Variants in TRIQK observed in about 807,000 individuals in gnomAD.
The protein encoded by TRIQK is triple QxxK/R motif-containing protein.
A neutral mutation model predicts 10.8 loss-of-function variants in TRIQK; 10 were observed. The observed-to-expected ratio is 0.92, with a 90% CI of 0.57 to 1.57. TRIQK has a LOEUF of 1.57. TRIQK is among the 40% of genes most tolerant of loss of function. The pLI is 0.00. For missense variants in TRIQK, 107 were observed against 97.7 expected, an observed-to-expected ratio of 1.09 and a Z score of -0.40; for synonymous variants, 33 against 33.7, an observed-to-expected ratio of 0.98 and a Z score of 0.07.
intron 2 of TRIQK, among the ~76,000 whole-genome samples, chr8:92,920,161 T>C (rs1232673266): frequency 6.6e-6 from 1 of 151,768 alleles, no homozygotes. Flanking sequence ...TTTTATTGAA[T>C]TTAAATATTG....
chr8:92,970,689 T>TA (rs1812865538), upstream of TRIQK, among the ~76,000 whole-genome samples: 1 of 152,202 alleles, frequency 6.6e-6, no homozygotes, highest in African/African-American at 2.4e-5. Flanking sequence ...CTGTAGATTG[T>TA]AGATATTAGA....
At position 92,885,919 on chromosome 8, in the gene TRIQK, A is replaced by C. The variant is rs1196903603; in HGVS notation, c.*703T>G. ...AATTAGAATAGAATTCCAAGGTTAT[A>C]TTAATAGAGTAATAAGTTAATTAAA... On this transcript the variant is annotated 3_prime_UTR_variant, in exon 5 of 5. Transcript: ENST00000521988. The C allele has an allele frequency of 6.6e-6, 1 of 151,732 alleles. No individual in the cohort carries two copies. Among genetic ancestry groups the C allele is most frequent in the African/African-American group, 2.4e-5 (1 of 41,382 alleles). The allele number at this position is 151,732 out of a possible 1,614,324, so 9.4% of individuals were successfully genotyped here. A position where few individuals can be genotyped will look rare whatever the true frequency, so the allele number is the denominator to read the frequency against.
intron 3 of TRIQK, among the ~76,000 whole-genome samples, chr8:92,897,653 AC>A (rs1808682273): frequency 6.6e-6 from 1 of 152,158 alleles, no homozygotes; most frequent in African/African-American, 2.4e-5. Flanking sequence ...TTTATAAATT[AC>A]CCAGTCTCAG....
intron 2 of TRIQK, chr8:92,928,133 A>G (rs1316770919): frequency 1.3e-5 from 2 of 152,258 alleles, no homozygotes; most frequent in Non-Finnish European, 2.9e-5. Flanking sequence ...AAAACCAAAG[A>G]TAATACAGAA....
chr8:92,920,525 TA>T (rs1292246515), intron 2 of TRIQK, among the ~76,000 whole-genome samples: 5 of 145,138 alleles, frequency 3.4e-5, no homozygotes, highest in South Asian at 2.2e-4. Context: ...CTTATCAGCT[TA>T]AAAAAAAAGA....
At chr8:92,993,003 CCAAT>C (rs1471367702) in intron 1 of TRIQK, among the ~76,000 whole-genome samples, 2 of 152,148 alleles carry the variant, frequency 1.3e-5, no homozygotes, top group African/African-American at 4.8e-5. Flanking sequence ...TTCATACACT[CCAAT>C]CAAAGAGGTC....
chr8:92,898,852 TATA>T (rs1226125849), intron 3 of TRIQK, among the ~76,000 whole-genome samples: 2 of 137,018 alleles, frequency 1.5e-5, no homozygotes, highest in Non-Finnish European at 3.1e-5. Context: ...TATATATATA[TATA>T]TATATATATA....
In TRIQK at chr8:92,949,794, G is replaced by GAA. The variant is rs750582955; in HGVS notation, c.-22+4610_-22+4611dup. 7.7e-3 allele frequency among the ~76,000 whole-genome samples: 294 copies of GAA among 38,052 alleles called. 2 individuals carry two copies. Among genetic ancestry groups the GAA allele is most frequent in the South Asian group, 0.019 (21 of 1,126 alleles). 25.0% of individuals were successfully genotyped at this position (38,052 alleles called of 152,430 possible). A position where few individuals can be genotyped will look rare whatever the true frequency, so the allele number is the denominator to read the frequency against. On this transcript the variant is annotated intron_variant, in intron 2 of 4. Transcript: ENST00000521988. ...AAGGAAAGAAAGAAAAAGAAAGAAA[G>GAA]AAAGAAAGAAAGAAAGAAAGAAAGA...
intron 2 of TRIQK, among the ~76,000 whole-genome samples, chr8:92,938,149 C>T (rs1162444667): frequency 6.6e-6 from 1 of 151,928 alleles, no homozygotes; most frequent in Non-Finnish European, 1.5e-5. Flanking sequence ...TCTAGGGTCA[C>T]AACTATTCTT....
At chr8:92,912,428 T>A (rs1051256685) in intron 3 of TRIQK, among the ~76,000 whole-genome samples, 5 of 151,796 alleles carry the variant, frequency 3.3e-5, no homozygotes, top group African/African-American at 1.2e-4. Flanking sequence ...AAGGTAGTAC[T>A]GAGAAAAAAG....
At chr8:93,003,790 CA>C (rs1045148247) in intron 1 of TRIQK, among the ~76,000 whole-genome samples, 52 of 151,250 alleles carry the variant, frequency 3.4e-4, no homozygotes, top group African/African-American at 1.1e-3. Flanking sequence ...AGAAATTGGC[CA>C]AAAAAAAGGG....
At chr8:92,988,472 G>A (rs1813060991) in intron 1 of TRIQK, among the ~76,000 whole-genome samples, 2 of 152,164 alleles carry the variant, frequency 1.3e-5, no homozygotes, top group South Asian at 4.1e-4. Context: ...AAATGTGGTA[G>A]GGTACTATAT....
chr8:92,984,492 T>C (rs760649110), intron 1 of TRIQK, among the ~76,000 whole-genome samples: 6 of 152,090 alleles, frequency 3.9e-5, no homozygotes, highest in Non-Finnish European at 8.8e-5. Context: ...ATTATTTAGA[T>C]ATGAGAATAA....
At chr8:93,005,948 A>C (rs1183863530) in intron 1 of TRIQK, among the ~76,000 whole-genome samples, 1 of 152,088 alleles carries the variant, frequency 6.6e-6, no homozygotes, top group Admixed American at 6.5e-5. Context: ...TAATAAATGA[A>C]TTTAGTAAAT....
chr8:92,977,834 C>G (rs886378320), intron 1 of TRIQK, among the ~76,000 whole-genome samples: 6 of 151,936 alleles, frequency 3.9e-5, no homozygotes, highest in Non-Finnish European at 8.8e-5. Context: ...CAGTGTAATC[C>G]TTTTGAGATT....
intron 1 of TRIQK, among the ~76,000 whole-genome samples, chr8:93,011,690 A>G (rs928300021): frequency 6.6e-6 from 1 of 152,182 alleles, no homozygotes. Flanking sequence ...ATCATCAAAT[A>G]GCATTCACTA....
intron 3 of TRIQK, among the ~76,000 whole-genome samples, chr8:92,911,279 T>G (rs1328791708): frequency 2.0e-5 from 3 of 151,180 alleles, no homozygotes; most frequent in African/African-American, 7.3e-5. Flanking sequence ...AATATTAGAT[T>G]CAGAAGAGAT....
At chr8:92,911,832 T>C (rs1222612269) in intron 3 of TRIQK, among the ~76,000 whole-genome samples, 1 of 149,792 alleles carries the variant, frequency 6.7e-6, no homozygotes. Context: ...TATATGTATA[T>C]ATACATATCT....
chr8:92,886,479 G>T lies in TRIQK; in HGVS notation c.*143C>A. The T allele has an allele frequency of 1.8e-6, 1 of 562,036 alleles. No individual in the cohort carries two copies. The highest frequency in any genetic ancestry group is 3.0e-5 in the East Asian group (1 of 33,004). The allele number at this position is 562,036 out of a possible 1,614,324, so 34.8% of individuals were successfully genotyped here. ...TAAGGTTCTTTTCCTGACATCCTAT[G>T]CAACTATCAAAAATCATATGTCTGC... On this transcript the variant is annotated 3_prime_UTR_variant, in exon 5 of 5. Coordinates refer to ENST00000521988, the MANE Select transcript of TRIQK (RefSeq NM_001171797.2).
Sources: allele counts gnomAD v4.1 joint callset (sites outside exome capture counted in the v4.1 genomes callset), GRCh38; gene constraint gnomAD v4.1.1; transcripts MANE v1.5; gene names NCBI Gene and HGNC (gene_info 2026-07-23, HGNC 2026-07-21).